Variants in POU6F2 observed in about 807,000 individuals in gnomAD.
The protein encoded by POU6F2 is POU class 6 homeobox 2.
POU6F2 carries 31 observed loss-of-function variants against 71.3 expected under a neutral mutation model. The observed-to-expected ratio is 0.43, with a 90% confidence interval of 0.33 to 0.59. POU6F2 has a LOEUF of 0.59. Ranked by LOEUF, POU6F2 falls within the 20% of genes least tolerant of loss-of-function variation. The probability of loss-of-function intolerance (pLI) is 0.04; values close to 1 mark genes in which losing one functional copy is unlikely to be tolerated. For missense variants in POU6F2, 783 were observed against 856.8 expected, an observed-to-expected ratio of 0.91 and a Z score of 1.07; for synonymous variants, 347 against 355.7, an observed-to-expected ratio of 0.98 and a Z score of 0.27.
At chr7:39,317,261 C>G (rs1167593436) in intron 4 of POU6F2, among the ~76,000 whole-genome samples, 1 of 152,180 alleles carries the variant, frequency 6.6e-6, no homozygotes, top group Non-Finnish European at 1.5e-5. Context: ...CCCCAGTCAG[C>G]TAAGCCTGCA....
intron 1 of POU6F2, among the ~76,000 whole-genome samples, chr7:38,987,352 C>T (rs556903778): frequency 6.6e-6 from 1 of 152,192 alleles, no homozygotes; most frequent in South Asian, 2.1e-4. Context: ...ATGTTTGCTC[C>T]AAGCCACCAA....
intron 1 of POU6F2, among the ~76,000 whole-genome samples, chr7:38,987,149 G>A (rs565854175): frequency 3.5e-4 from 53 of 152,264 alleles, no homozygotes; most frequent in African/African-American, 1.0e-3. Context: ...AGAAGGTTAA[G>A]TGTAATGTTA....
At chr7:39,269,258 C>T (rs977553892) in intron 4 of POU6F2, among the ~76,000 whole-genome samples, 10 of 152,122 alleles carry the variant, frequency 6.6e-5, no homozygotes, top group Admixed American at 2.6e-4. Context: ...TTCAGGCTGG[C>T]GCACACACAG....
At chr7:39,164,179 C>T (rs1793060967) in intron 2 of POU6F2, among the ~76,000 whole-genome samples, 2 of 151,826 alleles carry the variant, frequency 1.3e-5, no homozygotes, top group South Asian at 4.2e-4. Flanking sequence ...TATTTCAAAA[C>T]ATGTTGTATA....
At chr7:39,093,906 T>C (rs2128722320) in intron 2 of POU6F2, among the ~76,000 whole-genome samples, 1 of 152,272 alleles carries the variant, frequency 6.6e-6, no homozygotes, top group Middle Eastern at 3.4e-3. Context: ...ATTTTCTTCA[T>C]GCACATATAA....
intron 7 of POU6F2, among the ~76,000 whole-genome samples, chr7:39,440,872 TTGTTGTTGTTGTTGATGATGATGA>T (rs989803202): frequency 1.2e-4 from 18 of 146,550 alleles, no homozygotes; most frequent in African/African-American, 4.3e-4. Flanking sequence ...TTGTGAGGGC[TTGTTGTTGTTGTTGATGATGATGA>T]TGTTGTTGTT....
Position 39,306,767 on chromosome 7 carries a change from C to T in POU6F2, c.599-32875C>T, listed in dbSNP as rs546219351. ...AAATAAAAGATATGCTATTTGCATA[C>T]GCTTTCAGCATGTCTGGAGCATGAT... On this transcript the variant is annotated intron_variant, in intron 4 of 9. Coordinates refer to ENST00000518318, the MANE Select transcript of POU6F2 (RefSeq NM_001370959.1). 3.5e-4 allele frequency among the ~76,000 whole-genome samples: 53 copies of T among 152,326 alleles called. No homozygotes were observed. The South Asian group carries it at 3.9e-3, about 11-fold the overall frequency.
intron 4 of POU6F2, 53 bp from the exon 5 acceptor site, chr7:39,339,589 G>T: frequency 6.5e-7 from 1 of 1,533,422 alleles, no homozygotes; most frequent in Non-Finnish European, 8.7e-7. Context: ...TCAAGACCCA[G>T]CAAGACACTT....
intron 2 of POU6F2, among the ~76,000 whole-genome samples, chr7:39,190,335 A>G (rs1793635504): frequency 6.8e-6 from 1 of 146,238 alleles, no homozygotes; most frequent in South Asian, 2.2e-4. Flanking sequence ...TGTACAATGC[A>G]GCTTGGGATT....
rs538916836 is a variant in POU6F2 at position 39,150,143 on chromosome 7, G to T, written c.278-54092G>T. On this transcript the variant is annotated intron_variant, in intron 2 of 9. Transcript: ENST00000518318. ...CCTGACCTCGTGATCCGCCTGCCTC[G>T]GCCTCTCAAAGTGCTGAGATTACAG... Among the ~76,000 whole-genome samples, 7 of 151,766 alleles carry T rather than the reference G, an allele frequency of 4.6e-5. No individual in the cohort carries two copies. In the East Asian group the frequency reaches 1.4e-3, roughly 30 times the overall value.
rs114109803 is a variant in POU6F2, at chr7:39,230,778, A to G, written c.598+23158A>G. On this transcript the variant is annotated intron_variant, in intron 4 of 9. Transcript: ENST00000518318. ...CAGTTAGTACTGGTCAATATACTCA[A>G]TATATAGACACACACTTTTCTGTGT... is the stretch of plus-strand genomic sequence containing the variant. Among the ~76,000 whole-genome samples, 470 of 152,346 alleles carry G rather than the reference A, an allele frequency of 3.1e-3. 2 individuals carry two copies. Among genetic ancestry groups the G allele is most frequent in the African/African-American group, 0.01 (426 of 41,580 alleles).
At chr7:39,449,729 A>G (rs1314914215) in intron 7 of POU6F2, among the ~76,000 whole-genome samples, 1 of 152,214 alleles carries the variant, frequency 6.6e-6, no homozygotes, top group Non-Finnish European at 1.5e-5. Context: ...TTCATGAACA[A>G]TATACCATAT....
intron 2 of POU6F2, among the ~76,000 whole-genome samples, chr7:39,145,408 G>A (rs1005405826): frequency 6.6e-6 from 1 of 152,198 alleles, no homozygotes; most frequent in Non-Finnish European, 1.5e-5. Context: ...TTTATTATAA[G>A]TAATCAAATA....
rs116719948 is a variant in POU6F2 at position 39,330,712 on chromosome 7, G to T, written c.599-8930G>T. On this transcript the variant is annotated intron_variant, in intron 4 of 9. Transcript: ENST00000518318. ...TTCAATTAAGTTGTTTATTTTAATT[G>T]ACATTGAAATTGTACATATTTGTGG... 8.0e-3 allele frequency among the ~76,000 whole-genome samples: 1,211 copies of T among 152,250 alleles called. 19 individuals are homozygous for T. Among genetic ancestry groups the T allele is most frequent in the African/African-American group, 0.027 (1,140 of 41,544 alleles).
intron 1 of POU6F2, among the ~76,000 whole-genome samples, chr7:38,995,394 G>C (rs962925036): frequency 2.0e-5 from 3 of 152,030 alleles, no homozygotes; most frequent in African/African-American, 7.2e-5. Context: ...GGTTAAGAGA[G>C]GACTGAAAAT....
At chr7:39,072,701 G>A (rs547119759) in intron 1 of POU6F2, among the ~76,000 whole-genome samples, 1 of 152,248 alleles carries the variant, frequency 6.6e-6, no homozygotes, top group African/African-American at 2.4e-5. Flanking sequence ...TGGAAACCTC[G>A]TTTCACTGTG....
intron 4 of POU6F2, among the ~76,000 whole-genome samples, chr7:39,297,190 T>TACACAC (rs1554339590): frequency 8.5e-6 from 1 of 118,108 alleles, no homozygotes; most frequent in African/African-American, 3.0e-5. Flanking sequence ...CAAACACACA[T>TACACAC]ACACATACAC....
chr7:39,003,839 A>G (rs913329399), intron 1 of POU6F2, among the ~76,000 whole-genome samples: 14 of 152,092 alleles, frequency 9.2e-5, no homozygotes, highest in African/African-American at 3.4e-4. Context: ...ACCTGGGTAT[A>G]TGCTTATGAT....
chr7:39,124,048 C>CTTTTTTT (rs367553456), intron 2 of POU6F2, among the ~76,000 whole-genome samples: 2 of 130,184 alleles, frequency 1.5e-5, no homozygotes, highest in Non-Finnish European at 3.2e-5. Flanking sequence ...TAGACTGGGC[C>CTTTTTTT]TTTTTTTTTT....
Sources: allele counts gnomAD v4.1 joint callset (sites outside exome capture counted in the v4.1 genomes callset), GRCh38; gene constraint gnomAD v4.1.1; transcripts MANE v1.5; gene names NCBI Gene and HGNC (gene_info 2026-07-23, HGNC 2026-07-21).